The following ZMYM4 variants were observed in gnomAD, a reference collection of about 807,000 sequenced individuals.
ZMYM4 encodes the protein zinc finger MYM-type protein 4.
ZMYM4 carries 31 observed loss-of-function variants against 183.2 expected under a neutral mutation model. That is an observed-to-expected ratio of 0.17 (90% confidence interval 0.13 to 0.23). The LOEUF (loss-of-function observed/expected upper bound fraction) is 0.23, where lower values mean the gene tolerates loss of function less well. ZMYM4 is among the 10% of genes least tolerant of loss of function. ZMYM4 has a pLI of 1.00. For synonymous variants in ZMYM4, 592 were observed against 631.2 expected (o/e 0.94, Z 0.93); for missense variants, 1,273 against 1,840.3 (o/e 0.69, Z 5.64).
chr1:35,295,997 C>G (rs1640988705), intron 1 of ZMYM4: 1 of 152,188 alleles, frequency 6.6e-6, no homozygotes, highest in Admixed American at 6.5e-5. Flanking sequence ...CGGTATGTCC[C>G]TGCTGTCCTT....
chr1:35,283,872 T>C (rs1557908194), intron 1 of ZMYM4, among the ~76,000 whole-genome samples: 1 of 152,230 alleles, frequency 6.6e-6, no homozygotes, highest in Non-Finnish European at 1.5e-5. Flanking sequence ...AATATTAAAC[T>C]CTTATCACAA....
At chr1:35,347,472 C>G (rs903144409) in intron 2 of ZMYM4, among the ~76,000 whole-genome samples, 1 of 151,944 alleles carries the variant, frequency 6.6e-6, no homozygotes, top group Non-Finnish European at 1.5e-5. Context: ...TACTCTGTCT[C>G]TACAGTTATA....
rs548071625 is a variant in ZMYM4 at position 35,389,312 on chromosome 1, T to C, written c.2436+230T>C. Among the ~76,000 whole-genome samples the C allele has an allele frequency of 5.9e-5, 9 of 152,310 alleles. No individual in the cohort carries two copies. The South Asian group carries it at 1.9e-3, about 32-fold the overall frequency. On this transcript the variant is annotated intron_variant, in intron 14 of 29. Coordinates refer to ENST00000314607, the MANE Select transcript of ZMYM4 (RefSeq NM_005095.3). This position sits in a 1 kb window ranked among gnomAD's most constrained non-coding sequence, Gnocchi z 4.0. ...TATCAGTCTTAAGACATTAAAATAT[T>C]TAAACTTATAATTTTATTCACTTAT... is the stretch of plus-strand genomic sequence containing the variant.
At chr1:35,415,770 TAG>T in intron 28 of ZMYM4, 56 bp downstream of exon 28, 13 of 1,574,914 alleles carry the variant, frequency 8.3e-6, no homozygotes, top group Non-Finnish European at 1.0e-5. Flanking sequence ...AGTACTAAAA[TAG>T]AGAGTTACTG....
intron 1 of ZMYM4, among the ~76,000 whole-genome samples, chr1:35,290,431 C>G (rs1640705427): frequency 6.6e-6 from 1 of 151,902 alleles, no homozygotes; most frequent in Admixed American, 6.6e-5. Context: ...ATCTTATTTA[C>G]TTACTTAGTT....
At chr1:35,419,384 C>G in intron 29 of ZMYM4, 86 bp from the exon 30 acceptor site, 2 of 1,422,916 alleles carry the variant, frequency 1.4e-6, no homozygotes, top group Non-Finnish European at 9.5e-7. Context: ...GCAAAAACCT[C>G]AGTTTACTTA....
intron 1 of ZMYM4, among the ~76,000 whole-genome samples, chr1:35,290,617 T>C (rs767328600): frequency 2.0e-5 from 3 of 150,730 alleles, no homozygotes; most frequent in Non-Finnish European, 4.4e-5. Context: ...TTTGTAGAGA[T>C]TGGGGTCTTG....
intron 2 of ZMYM4, among the ~76,000 whole-genome samples, chr1:35,338,618 A>T (rs1252893135): frequency 6.6e-6 from 1 of 152,220 alleles, no homozygotes; most frequent in African/African-American, 2.4e-5. Flanking sequence ...GTCACCTCAC[A>T]TCTGGCCAAC....
intron 23 of ZMYM4, 129 bp downstream of exon 23, chr1:35,399,705 G>C (rs1644869006): frequency 4.4e-6 from 4 of 904,158 alleles, no homozygotes; most frequent in Non-Finnish European, 6.5e-6. Flanking sequence ...TGCAACTTTT[G>C]TTTTTTGAAT....
chr1:35,370,843 T>C (rs1644192616), intron 7 of ZMYM4: 1 of 496,446 alleles, frequency 2.0e-6, no homozygotes, highest in African/African-American at 2.0e-5. Flanking sequence ...CTTTCAATAA[T>C]GTTACTTTTA....
intron 11 of ZMYM4, 118 bp downstream of exon 11, chr1:35,386,307 A>C: frequency 1.5e-6 from 1 of 687,656 alleles, no homozygotes; most frequent in Non-Finnish European, 2.4e-6. Flanking sequence ...AAAGAGGTTT[A>C]ATTGGCTCAC....
intron 1 of ZMYM4, among the ~76,000 whole-genome samples, chr1:35,275,454 C>G (rs1337865055): frequency 6.6e-6 from 1 of 152,044 alleles, no homozygotes; most frequent in Non-Finnish European, 1.5e-5. Context: ...GTCTTGAACT[C>G]CTGACCTCAT....
At chr1:35,351,097 G>A (rs1643589097) in intron 2 of ZMYM4, 4 of 867,200 alleles carry the variant, frequency 4.6e-6, no homozygotes, top group Non-Finnish European at 7.7e-6. Context: ...GAGGTGACTG[G>A]TGGTAAATAC....
intron 23 of ZMYM4, among the ~76,000 whole-genome samples, chr1:35,400,503 C>T (rs1644888923): frequency 6.6e-6 from 1 of 152,156 alleles, no homozygotes; most frequent in Non-Finnish European, 1.5e-5. Flanking sequence ...CCGCGCCCGG[C>T]CAGTTCCCTA....
chr1:35,337,959 A>G (rs77639567), intron 2 of ZMYM4, among the ~76,000 whole-genome samples: 2 of 152,016 alleles, frequency 1.3e-5, no homozygotes, highest in African/African-American at 4.8e-5. Context: ...TAAAATAAAA[A>G]CAATATAGAT....
intron 5 of ZMYM4, among the ~76,000 whole-genome samples, chr1:35,365,239 C>CTTT (rs746304675): frequency 1.6e-4 from 14 of 85,294 alleles, no homozygotes; most frequent in South Asian, 4.0e-4. Flanking sequence ...TAATCAAAGT[C>CTTT]TTTTTTTTTT....
intron 1 of ZMYM4, among the ~76,000 whole-genome samples, chr1:35,288,081 C>T (rs1445724346): frequency 2.6e-5 from 4 of 152,172 alleles, no homozygotes; most frequent in African/African-American, 9.7e-5. Context: ...TCTTCCCTTT[C>T]CCTTACTGTT....
At position 35,387,214 on chromosome 1, in the gene ZMYM4, T is replaced by A; in HGVS notation, c.2048T>A (p.Val683Glu). 1 of 1,614,208 alleles carries A rather than the reference T, an allele frequency of 6.2e-7. No homozygotes were observed. Among genetic ancestry groups the A allele is most frequent in the Non-Finnish European group, 8.5e-7 (1 of 1,180,024 alleles). ...SQHVGFARSVVKLKCQHCNRL... is the reference protein window; with the variant it reads ...SQHVGFARSVEKLKCQHCNRL... ...CATGTTGGGTTTGCACGAAGTGTTG[T>A]GAAACTCAAATGTCAACACTGTAAC... Residue 683 changes from valine to glutamate, a missense_variant, in exon 12 of 30, where the codon GTG becomes GAG. This residue lies in a region of ZMYM4 where 319 missense variants were observed against 518.1 expected (regional missense o/e 0.62). Coordinates refer to ENST00000314607, the MANE Select transcript of ZMYM4 (RefSeq NM_005095.3).
Position 35,359,143 on chromosome 1 carries a change from G to A in ZMYM4, c.304G>A (p.Val102Ile), listed in dbSNP as rs1163662914. The change falls in exon 3 of 30, where the codon GTT becomes ATT. Residue 102 changes from valine (V) to isoleucine (I), a missense_variant. Val to Ile is a conservative substitution (Grantham distance 29). This residue lies in a region of ZMYM4 where 384 missense variants were observed against 465.6 expected (regional missense o/e 0.82). Coordinates refer to ENST00000314607, the MANE Select transcript of ZMYM4 (RefSeq NM_005095.3). Reference sequence around the variant, plus strand: ...GGATTTTAGTTCAAAGGACAATCTTGTTTCTTCAATTCATACTGATGATAG... The same window carrying A: ...GGATTTTAGTTCAAAGGACAATCTTATTTCTTCAATTCATACTGATGATAG... ...EQDFSSKDNLVSSIHTDDSLE... is the reference protein window; with the variant it reads ...EQDFSSKDNLISSIHTDDSLE... The A allele has an allele frequency of 1.2e-6, 2 of 1,613,674 alleles. No individual in the cohort carries two copies. The highest frequency in any genetic ancestry group is 4.5e-5 in the East Asian group (2 of 44,840).
Sources: gnomAD v4.1 joint callset for allele counts (sites outside exome capture counted in the v4.1 genomes callset) on GRCh38, gnomAD v4.1.1 for gene constraint, gnomAD v4.1.1 regional missense constraint, Gnocchi (gnomAD v3.1) non-coding constraint, MANE v1.5 for transcripts, NCBI Gene and HGNC (gene_info 2026-07-23, HGNC 2026-07-21) for gene names.